ZNF761: variants seen among roughly 807,000 people sequenced by gnomAD.
The protein encoded by ZNF761 is zinc finger protein 761.
In ZNF761, 43 loss-of-function variants were observed where a neutral mutation model predicts 59.9. The observed-to-expected ratio is 0.72, with a 90% CI of 0.56 to 0.92. The LOEUF is 0.92. Among genes scored for constraint, ZNF761 ranks in the 40% least tolerant of loss-of-function variants. The pLI, the probability that ZNF761 is intolerant of heterozygous loss-of-function variation, is 0.00. For synonymous variants in ZNF761, 294 were observed against 304.8 expected (o/e 0.96, Z 0.37); for missense variants, 850 against 906.1 (o/e 0.94, Z 0.79).
chr19:53,455,537 C>G lies in ZNF761; in HGVS notation c.1030C>G (p.His344Asp), dbSNP rs760302923. ...TFRQKSILTR[H>D]HRLHTGEKPY... is the part of the protein sequence containing the mutation. ...TAGGCAGAAGTCAATCCTTACACGC[C>G]ATCATCGACTTCATACTGGAGAGAA... The change falls in exon 5 of 5, where the codon CAT (histidine) becomes GAT (aspartate). Residue 344 changes from histidine to aspartate, a missense_variant. Physicochemically the swap from His to Asp is moderately conservative, Grantham distance 81 (BLOSUM62 -1). Coordinates refer to ENST00000684525, the MANE Select transcript of ZNF761 (RefSeq NM_001289951.2). 2.5e-6 allele frequency: 4 copies of G among 1,612,974 alleles called. No individual in the cohort carries two copies. The highest frequency in any genetic ancestry group is 3.4e-6 in the Non-Finnish European group (4 of 1,179,520).
chr19:53,438,769 A>G (rs1400171460), intron 1 of ZNF761, among the ~76,000 whole-genome samples: 2 of 152,172 alleles, frequency 1.3e-5, no homozygotes, highest in Admixed American at 6.5e-5. Flanking sequence ...TGACACCTAG[A>G]TATGTAACCT....
intron 1 of ZNF761, among the ~76,000 whole-genome samples, chr19:53,446,003 A>G (rs180714562): frequency 6.6e-6 from 1 of 152,236 alleles, no homozygotes; most frequent in East Asian, 1.9e-4. Flanking sequence ...CCCAGATATC[A>G]AAACCCTTCC....
At chr19:53,434,791 A>C (rs2169785) in intron 1 of ZNF761, among the ~76,000 whole-genome samples, 66,929 of 151,946 alleles carry the variant, frequency 0.44, 15,113 homozygotes, top group East Asian at 0.63. Flanking sequence ...CCATTGGTCT[A>C]CTATGTTCGT....
rs767184909 is a variant in ZNF761, at chr19:53,456,246, G to A, written c.1739G>A (p.Cys580Tyr). The A allele has an allele frequency of 1.2e-6, 2 of 1,613,996 alleles. No individual in the cohort carries two copies. Among genetic ancestry groups the A allele is most frequent in the Non-Finnish European group, 1.7e-6 (2 of 1,179,988 alleles). ...CATAGTGGAGAGAACCCTTACAAAT[G>A]TGAAGATAGTGACAAAGCTTACAGT... ...RLHSGENPYK[C>Y]EDSDKAYSFK... The change falls in exon 5 of 5, where the codon TGT becomes TAT. Residue 580 changes from cysteine to tyrosine, a missense_variant. Coordinates refer to ENST00000684525, the MANE Select transcript of ZNF761 (RefSeq NM_001289951.2).
rs1205084441 is a variant in ZNF761 at position 53,454,717 on chromosome 19, T to C, written c.210T>C (p.His70=). ...CGCAAGGCAACAGAGAAGTGTTCCA[T>C]GCAGGGACATTGCAAATACATGAAA... The part of the protein sequence containing the change: ...STAQGNREVF[H]AGTLQIHESH... The change falls in exon 5 of 5, where the codon CAT becomes CAC. Residue 70 remains histidine, a synonymous_variant. Transcript: ENST00000684525. 106 of 1,614,042 alleles carry C rather than the reference T, an allele frequency of 6.6e-5. No individual in the cohort carries two copies. The highest frequency in any genetic ancestry group is 8.9e-5 in the Non-Finnish European group (105 of 1,180,004).
rs554103629 is a variant in ZNF761 at position 53,441,717 on chromosome 19, G to A, written c.-184-4510G>A. On this transcript the variant is annotated intron_variant, in intron 1 of 4. Transcript: ENST00000684525. Reference sequence around the variant, plus strand: ...TCGCCTTGGCCTCCCCAAAGTGCTGGGATTACAGGCATGAATGACCATGCC... The same window carrying A: ...TCGCCTTGGCCTCCCCAAAGTGCTGAGATTACAGGCATGAATGACCATGCC... 8.1e-6 allele frequency: 5 copies of A among 616,610 alleles called. No homozygotes were observed. The East Asian group carries it at 1.6e-4, about 20-fold the overall frequency. The allele number at this position is 616,610 out of a possible 1,614,324, so 38.2% of individuals were successfully genotyped here.
chr19:53,450,059 C>G (rs970247056), intron 4 of ZNF761: 2 of 374,666 alleles, frequency 5.3e-6, no homozygotes, highest in African/African-American at 4.2e-5. Context: ...AATCCCAGCA[C>G]TTTGGGAGGC....
Position 53,447,229 on chromosome 19 carries a change from A to C in ZNF761, c.-40A>C. ...TCTAAAGACTCTTGGTACGTGAGGA[A>C]GAAACCCGGAAGAGGAAGAGGAGAG... On this transcript the variant is annotated 5_prime_UTR_variant, in exon 3 of 5. Coordinates refer to ENST00000684525, the MANE Select transcript of ZNF761 (RefSeq NM_001289951.2). 1 of 1,609,952 alleles carries C rather than the reference A, an allele frequency of 6.2e-7. No homozygotes were observed. Among genetic ancestry groups the C allele is most frequent in the Admixed American group, 1.7e-5 (1 of 59,632 alleles).
At chr19:53,449,927 A>G in intron 4 of ZNF761, 1 of 594,544 alleles carries the variant, frequency 1.7e-6, no homozygotes. Flanking sequence ...CCTGAGCTCA[A>G]GAGATCCTCC....
In ZNF761 at chr19:53,456,375, G is replaced by A; in HGVS notation, c.1868G>A (p.Cys623Tyr). Residue 623 changes from cysteine (C) to tyrosine (Y), a missense_variant, in exon 5 of 5, where the codon TGC becomes TAC. Coordinates refer to ENST00000684525, the MANE Select transcript of ZNF761 (RefSeq NM_001289951.2). ...TTCAGTCGGACGTCATCCCTTACAT[G>A]CCATCGTAGACTTCATACCGGAGAG... ...KTFSRTSSLT[C>Y]HRRLHTGEKP... is the part of the protein sequence containing the mutation. The A allele has an allele frequency of 1.2e-6, 2 of 1,614,022 alleles. No homozygotes were observed. The highest frequency in any genetic ancestry group is 1.1e-5 in the South Asian group (1 of 91,060).
intron 3 of ZNF761, among the ~76,000 whole-genome samples, chr19:53,448,121 C>A (rs1293927000): frequency 1.3e-5 from 2 of 152,184 alleles, no homozygotes; most frequent in Non-Finnish European, 1.5e-5. Flanking sequence ...CCTGCCTCAG[C>A]CTCCCAAGTA....
intron 4 of ZNF761, 162 bp downstream of exon 4, chr19:53,449,800 C>T: frequency 1.4e-6 from 2 of 1,434,702 alleles, no homozygotes; most frequent in Non-Finnish European, 1.9e-6. Flanking sequence ...GTGATTGTCC[C>T]ACCTCAGCCT....
chr19:53,452,830 A>G (rs2086233014), intron 4 of ZNF761, among the ~76,000 whole-genome samples: 2 of 152,256 alleles, frequency 1.3e-5, no homozygotes, highest in South Asian at 4.1e-4. Flanking sequence ...AATTGTCTCA[A>G]AGGCCCCATC....
Position 53,447,300 on chromosome 19 carries a change from A to G in ZNF761, c.15+17A>G, listed in dbSNP as rs1161056645. 1.2e-6 allele frequency: 2 copies of G among 1,613,114 alleles called. No individual in the cohort carries two copies. The highest frequency in any genetic ancestry group is 2.2e-5 in the East Asian group (1 of 44,880). ...TTTTCTCAGGTGAGATGATATTTTC[A>G]GTGGATTGTTCTGTCTCCTTCCTTT... On this transcript the variant is annotated intron_variant, in intron 3 of 4. Coordinates refer to ENST00000684525, the MANE Select transcript of ZNF761 (RefSeq NM_001289951.2).
intron 1 of ZNF761, among the ~76,000 whole-genome samples, chr19:53,437,051 C>T (rs1327744367): frequency 1.3e-5 from 2 of 152,276 alleles, no homozygotes; most frequent in East Asian, 1.9e-4. Context: ...AGCGCAGTGG[C>T]TCATGCCTGT....
chr19:53,432,940 G>C (rs955789701), intron 1 of ZNF761, among the ~76,000 whole-genome samples: 8 of 151,830 alleles, frequency 5.3e-5, no homozygotes, highest in African/African-American at 1.7e-4. Flanking sequence ...GAGGGATTTG[G>C]AGCCAGGGCA....
At chr19:53,454,558 A>G in intron 4 of ZNF761, 92 bp from the exon 5 acceptor site, 1 of 1,351,258 alleles carries the variant, frequency 7.4e-7, no homozygotes, top group South Asian at 1.7e-5. Flanking sequence ...AAAGTTTAAA[A>G]TAACTATTGT....
chr19:53,441,633 G>A (rs4803122), intron 1 of ZNF761, among the ~76,000 whole-genome samples: 91,338 of 151,838 alleles, frequency 0.6, 29,208 homozygotes, highest in South Asian at 0.76. Flanking sequence ...TTTTAGCAGA[G>A]ATGGGGTTTC....
Position 53,447,280 on chromosome 19 carries a change from T to G in ZNF761, c.12T>G (p.Ser4=), listed in dbSNP as rs1265037911. 2 of 1,613,214 alleles carry G rather than the reference T, an allele frequency of 1.2e-6. No individual in the cohort carries two copies. Among genetic ancestry groups the G allele is most frequent in the African/African-American group, 2.7e-5 (2 of 74,912 alleles). Residue 4 remains serine (S), a synonymous_variant, in exon 3 of 5, where the codon TCT becomes TCG. Coordinates refer to ENST00000684525, the MANE Select transcript of ZNF761 (RefSeq NM_001289951.2). MAF[S]QGLLTFRDVA... ...CAAAGGAGTCAGGGATGGCTTTTTC[T>G]CAGGTGAGATGATATTTTCAGTGGA... is the stretch of plus-strand genomic sequence containing the variant.
Sources: gnomAD v4.1 joint callset for allele counts (sites outside exome capture counted in the v4.1 genomes callset) on GRCh38, gnomAD v4.1.1 for gene constraint, MANE v1.5 for transcripts, NCBI Gene and HGNC (gene_info 2026-07-23, HGNC 2026-07-21) for gene names.